MSRB3: variants seen among roughly 807,000 people sequenced by gnomAD.
MSRB3 encodes the protein methionine-R-sulfoxide reductase B3.
MSRB3 carries 13 observed loss-of-function variants against 21.0 expected under a neutral mutation model. The observed-to-expected ratio is 0.62, with a 90% CI of 0.40 to 0.98. The LOEUF is 0.98. Among genes scored for constraint, MSRB3 ranks in the 50% least tolerant of loss-of-function variants. The pLI is 0.00. For missense variants in MSRB3, 199 were observed against 230.3 expected (o/e 0.86, Z 0.88); for synonymous variants, 87 against 88.6 (o/e 0.98, Z 0.10).
chr12:65,349,974 C>A (rs552827216), intron 4 of MSRB3, among the ~76,000 whole-genome samples: 99 of 151,880 alleles, frequency 6.5e-4, no homozygotes, highest in African/African-American at 1.9e-3. Context: ...TTGGACATGA[C>A]GTCCTTGCCC....
intron 4 of MSRB3, among the ~76,000 whole-genome samples, chr12:65,338,780 G>A (rs1875949350): frequency 6.6e-6 from 1 of 152,136 alleles, no homozygotes; most frequent in Admixed American, 6.6e-5. Context: ...TGAGAAGAGA[G>A]GTAAAGATTC....
chr12:65,327,324 G>A (rs936766350), intron 3 of MSRB3, among the ~76,000 whole-genome samples: 3 of 152,332 alleles, frequency 2.0e-5, no homozygotes, highest in East Asian at 1.9e-4. Flanking sequence ...AAGTATAGAC[G>A]TTTTGGCTGC....
chr12:65,292,944 A>C (rs1872744309), intron 1 of MSRB3, among the ~76,000 whole-genome samples: 1 of 152,170 alleles, frequency 6.6e-6, no homozygotes, highest in African/African-American at 2.4e-5. Flanking sequence ...CCATGGAATA[A>C]ATAAGATTGT....
intron 5 of MSRB3, among the ~76,000 whole-genome samples, chr12:65,407,178 G>C (rs968251601): frequency 1.3e-5 from 2 of 152,020 alleles, no homozygotes; most frequent in African/African-American, 4.8e-5. Flanking sequence ...ATTGACTTTT[G>C]ACATAGATGC....
intron 5 of MSRB3, among the ~76,000 whole-genome samples, chr12:65,423,741 A>G (rs1331112033): frequency 6.6e-6 from 1 of 152,070 alleles, no homozygotes; most frequent in African/African-American, 2.4e-5. Flanking sequence ...TAGTTTTCTA[A>G]TATTTTGTTT....
At chr12:65,424,108 C>A (rs1168285895) in intron 5 of MSRB3, among the ~76,000 whole-genome samples, 1 of 151,898 alleles carries the variant, frequency 6.6e-6, no homozygotes, top group Non-Finnish European at 1.5e-5. Flanking sequence ...CTAGGTCATC[C>A]AATTTTTTGG....
At chr12:65,317,346 C>A (rs552551612) in intron 2 of MSRB3, among the ~76,000 whole-genome samples, 1 of 152,102 alleles carries the variant, frequency 6.6e-6, no homozygotes. Context: ...ATCATTGTGA[C>A]AAGAATGTAT....
chr12:65,463,439 T>C lies in MSRB3; in HGVS notation c.*117T>C. 7.8e-7 allele frequency: 1 copy of C among 1,289,800 alleles called. No individual in the cohort carries two copies. The highest frequency in any genetic ancestry group is 1.5e-5 in the African/African-American group (1 of 66,930). 79.9% of individuals were successfully genotyped at this position (1,289,800 alleles called of 1,614,324 possible). ...AACTATAAGGGCAGTTTTGTGCTAT[T>C]GATATTTTTTCTTCTTTTGCTTAAA... On this transcript the variant is annotated 3_prime_UTR_variant, in exon 7 of 7. Transcript: ENST00000308259.
chr12:65,321,126 A>G (rs953254600), intron 2 of MSRB3, among the ~76,000 whole-genome samples: 1 of 152,088 alleles, frequency 6.6e-6, no homozygotes, highest in Non-Finnish European at 1.5e-5. Flanking sequence ...TCCTTCCTGA[A>G]TACTTACCAC....
chr12:65,309,135 C>G (rs1326922747), intron 2 of MSRB3: 1 of 182,190 alleles, frequency 5.5e-6, no homozygotes, highest in African/African-American at 2.4e-5. Flanking sequence ...AAAGAAAGTT[C>G]TACTTAACAA....
intron 2 of MSRB3, among the ~76,000 whole-genome samples, chr12:65,322,134 G>A (rs893541753): frequency 2.0e-5 from 3 of 152,046 alleles, no homozygotes; most frequent in Non-Finnish European, 4.4e-5. Context: ...GCCTTTCAAC[G>A]TTTCATAGAC....
intron 5 of MSRB3, among the ~76,000 whole-genome samples, chr12:65,369,332 A>G (rs535362444): frequency 2.6e-5 from 4 of 152,312 alleles, no homozygotes; most frequent in Admixed American, 6.5e-5. Flanking sequence ...TTCTCAGTGG[A>G]CAAAGCATCC....
rs1005894029 is a variant in MSRB3, at chr12:65,466,043, C to T, written c.*2721C>T. ...GACAAGGAGGATCAGTGAGAGGCCT[C>T]TTCCCTCTCCACAGAGACTGGATTG... On this transcript the variant is annotated 3_prime_UTR_variant, in exon 7 of 7. Transcript: ENST00000308259. 1 of 152,154 alleles carries T rather than the reference C, an allele frequency of 6.6e-6. No homozygotes were observed. Among genetic ancestry groups the T allele is most frequent in the East Asian group, 1.9e-4 (1 of 5,178 alleles). The allele number at this position is 152,154 out of a possible 1,614,324, so 9.4% of individuals were successfully genotyped here. A position where few individuals can be genotyped will look rare whatever the true frequency, so the allele number is the denominator to read the frequency against.
intron 5 of MSRB3, among the ~76,000 whole-genome samples, chr12:65,369,674 T>G (rs1000914103): frequency 1.3e-5 from 2 of 152,210 alleles, no homozygotes; most frequent in African/African-American, 4.8e-5. Context: ...CTGAGATTTA[T>G]GTGCTTCAAA....
intron 4 of MSRB3, among the ~76,000 whole-genome samples, chr12:65,364,577 A>C (rs1003183305): frequency 1.3e-5 from 2 of 152,194 alleles, no homozygotes; most frequent in African/African-American, 4.8e-5. Flanking sequence ...ACGTAAAAAT[A>C]TGTTTGGAAT....
intron 5 of MSRB3, among the ~76,000 whole-genome samples, chr12:65,452,158 T>C (rs1882886117): frequency 6.6e-6 from 1 of 152,158 alleles, no homozygotes; most frequent in South Asian, 2.1e-4. Context: ...AATACAACAA[T>C]GAAACTCCTA....
At position 65,407,958 on chromosome 12, in the gene MSRB3, C is replaced by CT. The variant is rs910354454; in HGVS notation, c.292+38943dup. Among the ~76,000 whole-genome samples, 762 of 142,970 alleles carry CT rather than the reference C, an allele frequency of 5.3e-3. 3 individuals carry two copies. Among genetic ancestry groups the CT allele is most frequent in the African/African-American group, 0.016 (629 of 39,352 alleles). 93.8% of individuals were successfully genotyped at this position (142,970 alleles called of 152,430 possible). The stretch of plus-strand genomic sequence containing the variant: ...ATTATCATCTGTTCTTGCAACGTTG[C>CT]TTTTTTTTTTTCCATTAGAGCATGT... On this transcript the variant is annotated intron_variant, in intron 5 of 6. Coordinates refer to ENST00000308259, the MANE Select transcript of MSRB3 (RefSeq NM_001031679.3).
intron 5 of MSRB3, among the ~76,000 whole-genome samples, chr12:65,412,891 A>C (rs1010012685): frequency 6.6e-6 from 1 of 152,174 alleles, no homozygotes; most frequent in Non-Finnish European, 1.5e-5. Flanking sequence ...AGGAAGGAGA[A>C]GTGCCGAGTG....
intron 1 of MSRB3, among the ~76,000 whole-genome samples, chr12:65,288,162 G>T (rs60755779): frequency 0.083 from 12,544 of 151,796 alleles, 1,343 homozygotes; most frequent in African/African-American, 0.24. Flanking sequence ...AATTAGCTGG[G>T]CGTGGTGGTG....
Sources: allele counts gnomAD v4.1 joint callset (sites outside exome capture counted in the v4.1 genomes callset), GRCh38; gene constraint gnomAD v4.1.1; transcripts MANE v1.5; gene names NCBI Gene and HGNC (gene_info 2026-07-23, HGNC 2026-07-21).